The following CLIC4 variants were observed in gnomAD, a reference collection of about 807,000 sequenced individuals.
CLIC4 encodes the protein chloride intracellular channel protein 4.
Under a neutral mutation model 24.6 loss-of-function variants are expected in CLIC4, and 13 were observed. The observed-to-expected ratio is 0.53, with a 90% confidence interval of 0.34 to 0.84. The LOEUF (loss-of-function observed/expected upper bound fraction) is 0.84. CLIC4 is among the 40% of genes least tolerant of loss of function. The pLI is 0.01. For synonymous variants in CLIC4, 104 were observed against 111.3 expected, an observed-to-expected ratio of 0.93 and a Z score of 0.41; for missense variants, 227 against 301.7, an observed-to-expected ratio of 0.75 and a Z score of 1.83.
intron 2 of CLIC4, among the ~76,000 whole-genome samples, chr1:24,809,564 A>G (rs1447969026): frequency 6.6e-6 from 1 of 152,150 alleles, no homozygotes; most frequent in African/African-American, 2.4e-5. Context: ...TCCGCCTTCC[A>G]GCAATTCTGC....
intron 1 of CLIC4, among the ~76,000 whole-genome samples, chr1:24,791,857 CAA>C (rs1416733839): frequency 1.3e-5 from 2 of 151,368 alleles, no homozygotes; most frequent in Admixed American, 6.6e-5. Context: ...GCCTGGGTGA[CAA>C]GAGTGAAACT....
At chr1:24,762,496 G>A (rs1638940483) in intron 1 of CLIC4, among the ~76,000 whole-genome samples, 1 of 152,156 alleles carries the variant, frequency 6.6e-6, no homozygotes, top group Non-Finnish European at 1.5e-5. Flanking sequence ...AAGTTCTGAG[G>A]AACTCTAAAC....
At chr1:24,767,024 T>TAAAAAAAAAAAAAAAAAAGAAAAGAA (rs1639008105) in intron 1 of CLIC4, among the ~76,000 whole-genome samples, 1 of 71,124 alleles carries the variant, frequency 1.4e-5, no homozygotes, top group Non-Finnish European at 2.5e-5. Context: ...GCTGATGAGC[T>TAAAAAAAAAAAAAAAAAAGAAAAGAA]AAAAAAAAAA....
chr1:24,767,039 A>G (rs1639008907), intron 1 of CLIC4, among the ~76,000 whole-genome samples: 1 of 150,888 alleles, frequency 6.6e-6, no homozygotes, highest in East Asian at 1.9e-4. Flanking sequence ...AAAAAAAAAA[A>G]AAAAAAAAAG....
At chr1:24,774,282 C>T (rs927144602) in intron 1 of CLIC4, among the ~76,000 whole-genome samples, 2 of 151,880 alleles carry the variant, frequency 1.3e-5, no homozygotes, top group Non-Finnish European at 2.9e-5. Context: ...AGCTAAGTAA[C>T]TTCTTTTTTA....
At chr1:24,747,176 G>A (rs1350461343) in intron 1 of CLIC4, among the ~76,000 whole-genome samples, 3 of 148,812 alleles carry the variant, frequency 2.0e-5, no homozygotes, top group African/African-American at 7.5e-5. Flanking sequence ...AAAGCGTTTC[G>A]GTTACTTTGA....
chr1:24,818,337 A>G (rs901608846), intron 3 of CLIC4, among the ~76,000 whole-genome samples: 16 of 152,016 alleles, frequency 1.1e-4, no homozygotes, highest in Non-Finnish European at 4.4e-5. Context: ...CCCAGGCTGG[A>G]GTGCAGTGGC....
At chr1:24,792,297 C>G (rs1639350103) in intron 1 of CLIC4, among the ~76,000 whole-genome samples, 2 of 151,924 alleles carry the variant, frequency 1.3e-5, no homozygotes, top group South Asian at 4.1e-4. Flanking sequence ...CTCCAGTGAT[C>G]CTCCTACCTC....
intron 1 of CLIC4, among the ~76,000 whole-genome samples, chr1:24,767,155 C>A (rs370625266): frequency 1.3e-4 from 19 of 151,918 alleles, no homozygotes; most frequent in African/African-American, 4.1e-4. Context: ...GGCCCACGGA[C>A]CTCAGGTTGG....
intron 1 of CLIC4, among the ~76,000 whole-genome samples, chr1:24,769,267 T>C (rs576425302): frequency 6.6e-6 from 1 of 152,334 alleles, no homozygotes; most frequent in Admixed American, 6.5e-5. Flanking sequence ...ATATAAAAAA[T>C]GATCAGTAAG....
intron 4 of CLIC4, among the ~76,000 whole-genome samples, chr1:24,827,388 A>C (rs888557973): frequency 6.6e-6 from 1 of 152,170 alleles, no homozygotes; most frequent in Non-Finnish European, 1.5e-5. Flanking sequence ...TTATTTTGAG[A>C]AGTTACTGTG....
Position 24,782,646 on chromosome 1 carries a change from A to T in CLIC4, c.73-15096A>T, listed in dbSNP as rs1331580161. Among the ~76,000 whole-genome samples, 4 of 152,196 alleles carry T rather than the reference A, an allele frequency of 2.6e-5. No individual in the cohort carries two copies. The South Asian group carries it at 6.2e-4, about 24-fold the overall frequency. ...GAAGTGGAAACTAGATTAATAATTT[A>T]AAAAACACTTTATTTGGAAATAATT... On this transcript the variant is annotated intron_variant, in intron 1 of 5. Coordinates refer to ENST00000374379, the MANE Select transcript of CLIC4 (RefSeq NM_013943.3).
intron 1 of CLIC4, among the ~76,000 whole-genome samples, chr1:24,767,109 G>A (rs1639010964): frequency 1.3e-5 from 2 of 151,012 alleles, no homozygotes; most frequent in South Asian, 4.2e-4. Flanking sequence ...ATGGATTTGT[G>A]TTGGGCTTCA....
intron 2 of CLIC4, among the ~76,000 whole-genome samples, chr1:24,804,810 CTA>C (rs1639530677): frequency 6.6e-6 from 1 of 151,924 alleles, no homozygotes; most frequent in Non-Finnish European, 1.5e-5. Context: ...ATTATAGACT[CTA>C]TATTTGGGCC....
chr1:24,761,304 G>T (rs1638924494), intron 1 of CLIC4, among the ~76,000 whole-genome samples: 1 of 152,056 alleles, frequency 6.6e-6, no homozygotes, highest in South Asian at 2.1e-4. Context: ...TATAAATAAG[G>T]ACAGTAGGTT....
intron 3 of CLIC4, among the ~76,000 whole-genome samples, chr1:24,815,314 A>G (rs1557810912): frequency 6.6e-6 from 1 of 152,136 alleles, no homozygotes; most frequent in Non-Finnish European, 1.5e-5. Context: ...TCTGACCAAC[A>G]TGAAGAAACC....
intron 3 of CLIC4, among the ~76,000 whole-genome samples, chr1:24,822,207 G>A (rs1639741449): frequency 6.6e-6 from 1 of 152,100 alleles, no homozygotes; most frequent in Admixed American, 6.6e-5. Flanking sequence ...CTTTAATTGG[G>A]ATTGTGCTTT....
intron 4 of CLIC4, among the ~76,000 whole-genome samples, chr1:24,837,496 C>T (rs1639897587): frequency 6.6e-6 from 1 of 152,094 alleles, no homozygotes. Flanking sequence ...TTTCATATAC[C>T]TTTCCAGGGA....
chr1:24,798,990 C>G (rs1223745694), intron 2 of CLIC4, among the ~76,000 whole-genome samples: 5 of 152,250 alleles, frequency 3.3e-5, no homozygotes, highest in Non-Finnish European at 4.4e-5. Context: ...GATCTCGGCT[C>G]GCTGCAACCT....
Sources: gnomAD v4.1 joint callset for allele counts (sites outside exome capture counted in the v4.1 genomes callset) on GRCh38, gnomAD v4.1.1 for gene constraint, MANE v1.5 for transcripts, NCBI Gene and HGNC (gene_info 2026-07-23, HGNC 2026-07-21) for gene names.